Variants in POLA1 observed in about 807,000 individuals in gnomAD.
POLA1 encodes DNA polymerase alpha catalytic subunit.
POLA1 carries 15 observed loss-of-function variants against 124.0 expected under a neutral mutation model. The observed-to-expected ratio is 0.12, with a 90% CI of 0.08 to 0.19. The LOEUF (loss-of-function observed/expected upper bound fraction) is 0.19, where lower values mean the gene tolerates loss of function less well. Ranked by LOEUF, POLA1 falls within the 10% of genes least tolerant of loss-of-function variation. The probability of loss-of-function intolerance (pLI) is 1.00; values close to 1 mark genes in which losing one functional copy is unlikely to be tolerated. For missense variants in POLA1, 886 were observed against 1,103.4 expected (o/e 0.80, Z 2.79); for synonymous variants, 408 against 389.4 (o/e 1.05, Z -0.56).
At chrX:24,926,078 C>T (rs908411068) in intron 35 of POLA1, among the ~76,000 whole-genome samples, 4 of 107,541 alleles carry the variant, frequency 3.7e-5, no homozygotes, top group African/African-American at 6.8e-5. Flanking sequence ...TGGTGGCACG[C>T]GCCTGTGGTG....
chrX:24,826,587 T>G lies in POLA1; in HGVS notation c.3722T>G (p.Ile1241Ser). The G allele has an allele frequency of 5.8e-6, 7 of 1,196,943 alleles. No individual in the cohort carries two copies. Among genetic ancestry groups the G allele is most frequent in the Non-Finnish European group, 6.8e-6 (6 of 886,541 alleles). ...EPIDGIDAVL[I>S]ATWLGLDPTQ... ...ATAGACGGAATTGATGCTGTCCTCATTGCAACGTGGTTGGGTAAGTGTCCC... is the reference window on the plus strand; with the variant it reads ...ATAGACGGAATTGATGCTGTCCTCAGTGCAACGTGGTTGGGTAAGTGTCCC... The change falls in exon 32 of 37, where the codon ATT becomes AGT. Residue 1241 changes from isoleucine to serine, a missense_variant. Ile to Ser is a moderately radical substitution (Grantham distance 142). Transcript: ENST00000379068.
chrX:24,872,532 A>G (rs749905879), intron 34 of POLA1, among the ~76,000 whole-genome samples: 7 of 111,713 alleles, frequency 6.3e-5, no homozygotes, highest in South Asian at 7.5e-4. Flanking sequence ...AGCTTCCTCA[A>G]TTTTTAAAAG....
At chrX:24,852,304 T>C in intron 34 of POLA1, among the ~76,000 whole-genome samples, 1 of 106,585 alleles carries the variant, frequency 9.4e-6, no homozygotes, top group Non-Finnish European at 1.9e-5. Flanking sequence ...GTGTTGACCT[T>C]AGCTTGCTTT....
chrX:24,769,082 G>A (rs113074899), intron 26 of POLA1, among the ~76,000 whole-genome samples: 4,909 of 111,321 alleles, frequency 0.044, 286 homozygotes, highest in African/African-American at 0.15. Context: ...AACTAATTTT[G>A]TATTGTAGAT....
intron 35 of POLA1, among the ~76,000 whole-genome samples, chrX:24,916,857 T>G (rs1177623619): frequency 8.9e-6 from 1 of 112,696 alleles, no homozygotes; most frequent in African/African-American, 3.2e-5. Flanking sequence ...CAATTTGTTT[T>G]TTGTATTTTT....
chrX:24,823,100 C>T (rs2147014282), intron 31 of POLA1, among the ~76,000 whole-genome samples: 1 of 112,075 alleles, frequency 8.9e-6, no homozygotes, highest in Non-Finnish European at 1.9e-5. Flanking sequence ...AATGCTGTTG[C>T]TAATGTAGTA....
intron 34 of POLA1, among the ~76,000 whole-genome samples, chrX:24,861,503 A>G (rs759646250): frequency 1.1e-4 from 12 of 112,642 alleles, no homozygotes; most frequent in Non-Finnish European, 2.2e-4. Flanking sequence ...ATAAGCATGT[A>G]GATTATAGGA....
intron 34 of POLA1, among the ~76,000 whole-genome samples, chrX:24,873,547 A>G (rs895043169): frequency 1.8e-5 from 2 of 112,316 alleles, no homozygotes. Flanking sequence ...AACACTGCAG[A>G]TCTATATGTA....
intron 35 of POLA1, among the ~76,000 whole-genome samples, chrX:24,926,077 G>A (rs1423162337): frequency 1.9e-5 from 2 of 107,117 alleles, no homozygotes; most frequent in Admixed American, 1.0e-4. Context: ...GTGGTGGCAC[G>A]CGCCTGTGGT....
intron 36 of POLA1, among the ~76,000 whole-genome samples, chrX:24,931,181 G>GT (rs375917254): frequency 1.7e-4 from 18 of 106,301 alleles, no homozygotes; most frequent in East Asian, 1.5e-3. Context: ...CTGCATGTTT[G>GT]TTTTTTTTTT....
Position 24,693,928 on chromosome X carries a change from G to C in POLA1, c.-34G>C. On this transcript the variant is annotated 5_prime_UTR_variant, in exon 1 of 37. Transcript: ENST00000379068. Reference sequence around the variant, plus strand: ...TGTCTCGGCCCCCGCGCCAGTTTTGGGCTGGTTGGCGCGGAATCGGGAGAT... The same window carrying C: ...TGTCTCGGCCCCCGCGCCAGTTTTGCGCTGGTTGGCGCGGAATCGGGAGAT... 8.5e-7 allele frequency: 1 copy of C among 1,179,303 alleles called. No individual in the cohort carries two copies. Among genetic ancestry groups the C allele is most frequent in the Non-Finnish European group, 1.1e-6 (1 of 877,076 alleles).
intron 36 of POLA1, among the ~76,000 whole-genome samples, chrX:24,965,649 G>C (rs902440995): frequency 8.9e-6 from 1 of 112,133 alleles, no homozygotes; most frequent in African/African-American, 3.2e-5. Context: ...GCCAGGTTCT[G>C]TGGCTGAGCT....
intron 26 of POLA1, chrX:24,788,955 C>G: frequency 3.3e-6 from 4 of 1,208,840 alleles, no homozygotes; most frequent in Non-Finnish European, 4.5e-6. Flanking sequence ...GACACGGCTT[C>G]AAATACTGCC....
chrX:24,715,530 G>A (rs1454675361), intron 6 of POLA1, among the ~76,000 whole-genome samples: 4 of 111,738 alleles, frequency 3.6e-5, no homozygotes, highest in Non-Finnish European at 3.8e-5. Context: ...TCCTTACCTC[G>A]TGATCCGCCT....
chrX:24,719,683 C>G lies in POLA1; in HGVS notation c.1087+1925C>G, dbSNP rs565090197. 5.5e-4 allele frequency among the ~76,000 whole-genome samples: 61 copies of G among 111,652 alleles called. No individual in the cohort carries two copies. The South Asian group carries it at 0.023, about 42-fold the overall frequency. Reference sequence around the variant, plus strand: ...CTGGCCTGGCTATCCCAGTATTACTCCCCGTACTTTGCTGCATCTGCTCAA... The same window carrying G: ...CTGGCCTGGCTATCCCAGTATTACTGCCCGTACTTTGCTGCATCTGCTCAA... On this transcript the variant is annotated intron_variant, in intron 10 of 36. Transcript: ENST00000379068.
intron 26 of POLA1, among the ~76,000 whole-genome samples, chrX:24,792,058 TATAAC>T (rs1378067516): frequency 8.9e-6 from 1 of 112,532 alleles, no homozygotes; most frequent in Non-Finnish European, 1.9e-5. Flanking sequence ...GAGGTACTCT[TATAAC>T]AGAAAATATC....
intron 31 of POLA1, among the ~76,000 whole-genome samples, chrX:24,822,604 C>G (rs2046107738): frequency 8.9e-6 from 1 of 112,235 alleles, no homozygotes; most frequent in Non-Finnish European, 1.9e-5. Context: ...GGAATCAGCA[C>G]TTGACTCTGT....
At chrX:24,945,041 C>T in intron 36 of POLA1, among the ~76,000 whole-genome samples, 1 of 111,893 alleles carries the variant, frequency 8.9e-6, no homozygotes, top group East Asian at 2.8e-4. Context: ...CAAATTTTGA[C>T]TTTCCACCCC....
chrX:24,982,821 G>A (rs1238269734), intron 36 of POLA1, among the ~76,000 whole-genome samples: 2 of 110,803 alleles, frequency 1.8e-5, no homozygotes, highest in South Asian at 3.9e-4. Context: ...AGCTGTATAC[G>A]TTGTATTTGA....
Sources: allele counts gnomAD v4.1 joint callset (sites outside exome capture counted in the v4.1 genomes callset), GRCh38; gene constraint gnomAD v4.1.1; transcripts MANE v1.5; gene names NCBI Gene and HGNC (gene_info 2026-07-23, HGNC 2026-07-21).